The following DYNC2H1 variants were observed in gnomAD, a reference collection of about 807,000 sequenced individuals.
DYNC2H1 encodes dynein cytoplasmic 2 heavy chain 1.
DYNC2H1 carries 410 observed loss-of-function variants against 570.0 expected under a neutral mutation model. That is an observed-to-expected ratio of 0.72 (90% CI 0.66 to 0.78). DYNC2H1 has a LOEUF of 0.78. DYNC2H1 is among the 30% of genes least tolerant of loss of function. DYNC2H1 has a pLI of 0.00. For missense variants in DYNC2H1, 4,865 were observed against 5,046.4 expected, an observed-to-expected ratio of 0.96 and a Z score of 1.09; for synonymous variants, 1,688 against 1,677.6, an observed-to-expected ratio of 1.01 and a Z score of -0.15.
intron 82 of DYNC2H1, among the ~76,000 whole-genome samples, chr11:103,352,993 T>G (rs1009715169): frequency 1.3e-5 from 2 of 152,166 alleles, no homozygotes; most frequent in Non-Finnish European, 2.9e-5. Context: ...TCATGTCCTT[T>G]GCAGGGACAT....
intron 83 of DYNC2H1, among the ~76,000 whole-genome samples, chr11:103,386,761 T>G (rs2135593835): frequency 6.6e-6 from 1 of 152,304 alleles, no homozygotes; most frequent in East Asian, 1.9e-4. Context: ...TTTGTTTTTT[T>G]GTCCTTGCAA....
intron 47 of DYNC2H1, among the ~76,000 whole-genome samples, chr11:103,195,204 G>A (rs1001279284): frequency 4.6e-5 from 7 of 152,058 alleles, no homozygotes; most frequent in African/African-American, 7.2e-5. Flanking sequence ...ATTTTTCATC[G>A]TAAGGATCTG....
intron 31 of DYNC2H1, among the ~76,000 whole-genome samples, chr11:103,168,234 T>C (rs767060639): frequency 6.9e-4 from 105 of 152,314 alleles, no homozygotes; most frequent in Admixed American, 2.5e-3. Context: ...CCCCTTTCCT[T>C]CTAAAGCCTG....
rs1449883752 is a variant in DYNC2H1 at position 103,152,131 on chromosome 11, TTTAGA to T, written c.2947-2_2949del. On this transcript the variant is annotated splice_acceptor_variant and splice_polypyrimidine_tract_variant and coding_sequence_variant and intron_variant, in exon 21 of 89. Transcript: ENST00000375735. LOFTEE classifies it high-confidence loss of function. ...TCAATTTGTTTTTTTTTTTTTAACC[TTTAGA>T]TTTTGCCCTTATTTCAAGAAGCTGA... The T allele has an allele frequency of 1.9e-6, 3 of 1,557,948 alleles. No individual in the cohort carries two copies. The highest frequency in any genetic ancestry group is 2.6e-6 in the Non-Finnish European group (3 of 1,144,612).
chr11:103,173,944 T>G, intron 35 of DYNC2H1, 111 bp from the exon 36 acceptor site: 1 of 711,924 alleles, frequency 1.4e-6, no homozygotes. Flanking sequence ...TAATGGGATA[T>G]CAACATTCAT....
Position 103,154,556 on chromosome 11 carries a change from G to C in DYNC2H1, c.3408G>C (p.Glu1136Asp), listed in dbSNP as rs1391760314. 1 of 1,600,424 alleles carries C rather than the reference G, an allele frequency of 6.2e-7. No homozygotes were observed. Among genetic ancestry groups the C allele is most frequent in the Admixed American group, 1.7e-5 (1 of 58,030 alleles). ...CCCAAATTTGGGCCTTTTATGAAGA[G>C]TTTCAACAAGGATTTCAGGAAATGG... The part of the protein sequence containing the change: ...SCAQIWAFYE[E>D]FQQGFQEMAN... The change falls in exon 23 of 89, where the codon GAG (glutamate) becomes GAC (aspartate). Residue 1136 changes from glutamate (E) to aspartate (D), a missense_variant. Glu to Asp is a conservative substitution (Grantham distance 45). This residue lies in a region of DYNC2H1 where 1,936 missense variants were observed against 1,962.1 expected (regional missense o/e 0.99). Coordinates refer to ENST00000375735, the MANE Select transcript of DYNC2H1 (RefSeq NM_001377.3).
rs201532820 is a variant in DYNC2H1, at chr11:103,399,634, C to T, written c.12157-29C>T. 27 of 1,506,910 alleles carry T rather than the reference C, an allele frequency of 1.8e-5. No homozygotes were observed. The African/African-American group carries it at 2.1e-4, about 12-fold the overall frequency. The allele number at this position is 1,506,910 out of a possible 1,614,324, so 93.3% of individuals were successfully genotyped here. ...TATATCAGTGATCTGTGTTACTATT[C>T]GGTAAATATTATGACATTTTTCTTT... On this transcript the variant is annotated intron_variant, in intron 83 of 88. Transcript: ENST00000375735.
chr11:103,403,668 C>T (rs1942738242), intron 84 of DYNC2H1: 1 of 151,938 alleles, frequency 6.6e-6, no homozygotes, highest in African/African-American at 2.4e-5. Context: ...GTTTTGATGC[C>T]TAATGAGGGA....
intron 47 of DYNC2H1, among the ~76,000 whole-genome samples, chr11:103,194,502 T>C (rs1862441229): frequency 6.6e-6 from 1 of 152,206 alleles, no homozygotes; most frequent in Non-Finnish European, 1.5e-5. Context: ...AGGCTTTTTT[T>C]TATAGCGGTA....
At chr11:103,119,241 T>C (rs1360799271) in intron 6 of DYNC2H1, among the ~76,000 whole-genome samples, 2 of 152,188 alleles carry the variant, frequency 1.3e-5, no homozygotes, top group African/African-American at 2.4e-5. Context: ...CAGTCCATTT[T>C]AGTTATTATT....
intron 84 of DYNC2H1, among the ~76,000 whole-genome samples, chr11:103,423,408 T>TAAAAAAAAAAAAAAAAAA (rs60223334): frequency 8.3e-6 from 1 of 120,430 alleles, no homozygotes; most frequent in African/African-American, 2.7e-5. Context: ...GCCAAAAAAG[T>TAAAAAAAAAAAAAAAAAA]AAAAAAAAAA....
At chr11:103,394,802 A>C (rs1942324387) in intron 83 of DYNC2H1, among the ~76,000 whole-genome samples, 4 of 152,076 alleles carry the variant, frequency 2.6e-5, no homozygotes, top group Admixed American at 2.0e-4. Flanking sequence ...CTGAGGTATG[A>C]CTATAGTTGT....
In DYNC2H1 at chr11:103,261,538, G is replaced by A. The variant is rs928882356; in HGVS notation, c.10695+1561G>A. 2.6e-5 allele frequency among the ~76,000 whole-genome samples: 4 copies of A among 152,156 alleles called. No homozygotes were observed. Among genetic ancestry groups the A allele is most frequent in the African/African-American group, 9.7e-5 (4 of 41,432 alleles). Reference sequence around the variant, plus strand: ...CTTTGCTGTTCTGCAGACTCTGCTGGTGATACCCAGGCAAACAGGGTCAGG... The same window carrying A: ...CTTTGCTGTTCTGCAGACTCTGCTGATGATACCCAGGCAAACAGGGTCAGG... On this transcript the variant is annotated intron_variant, in intron 70 of 88. Transcript: ENST00000375735. The surrounding 1 kb of genome is among the most constrained non-coding windows in gnomAD (Gnocchi z 4.8).
chr11:103,221,710 G>T (rs550669433), intron 57 of DYNC2H1, among the ~76,000 whole-genome samples: 3 of 152,068 alleles, frequency 2.0e-5, no homozygotes, highest in Non-Finnish European at 4.4e-5. Flanking sequence ...ACAAAAATTA[G>T]CCTGGTGTAG....
At chr11:103,435,922 T>C (rs1172883632) in intron 84 of DYNC2H1, 21 bp from the exon 85 acceptor site, 8 of 1,609,388 alleles carry the variant, frequency 5.0e-6, no homozygotes, top group Non-Finnish European at 6.8e-6. Flanking sequence ...AAACTTAATT[T>C]TGACCCTTTT....
chr11:103,310,507 A>C (rs1867526395), intron 78 of DYNC2H1, among the ~76,000 whole-genome samples: 1 of 151,886 alleles, frequency 6.6e-6, no homozygotes, highest in Non-Finnish European at 1.5e-5. Flanking sequence ...CCTTTTTAAA[A>C]ACTCTAAGTG....
intron 75 of DYNC2H1, among the ~76,000 whole-genome samples, chr11:103,300,777 C>T (rs1244686854): frequency 6.6e-6 from 1 of 151,758 alleles, no homozygotes; most frequent in Admixed American, 6.6e-5. Context: ...ATGATTCTTG[C>T]CCTCATGAAG....
rs1327404261 is a variant in DYNC2H1 at position 103,321,094 on chromosome 11, A to G, written c.11791A>G (p.Ile3931Val). 6.2e-7 allele frequency: 1 copy of G among 1,612,894 alleles called. No individual in the cohort carries two copies. The highest frequency in any genetic ancestry group is 1.3e-5 in the African/African-American group (1 of 75,032). Residue 3931 changes from isoleucine to valine, a missense_variant, in exon 81 of 89, where the codon ATA becomes GTA. Ile to Val is a conservative substitution (Grantham distance 29). This residue lies in a region of DYNC2H1 where 2,401 missense variants were observed against 2,454.6 expected (regional missense o/e 0.98). Transcript: ENST00000375735. ...LLENAIYGGRIDNYFDLRVLQ... is the reference protein window; with the variant it reads ...LLENAIYGGRVDNYFDLRVLQ... ...TGAAAATGCTATTTATGGAGGACGT[A>G]TAGACAACTATTTTGACCTTAGAGT...
chr11:103,220,534 A>G, intron 56 of DYNC2H1, 89 bp from the exon 57 acceptor site: 2 of 1,275,354 alleles, frequency 1.6e-6, no homozygotes, highest in Non-Finnish European at 2.1e-6. Context: ...GTCATTTTGC[A>G]TAAATGACAA....
Sources: gnomAD v4.1 joint callset for allele counts (sites outside exome capture counted in the v4.1 genomes callset) on GRCh38, gnomAD v4.1.1 for gene constraint, gnomAD v4.1.1 regional missense constraint, Gnocchi (gnomAD v3.1) non-coding constraint, MANE v1.5 for transcripts, NCBI Gene and HGNC (gene_info 2026-07-23, HGNC 2026-07-21) for gene names.